Variants in SNTG2 observed in about 807,000 individuals in gnomAD.
SNTG2 encodes the protein syntrophin gamma 2, also known as gamma-2-syntrophin.
Under a neutral mutation model 70.9 loss-of-function variants are expected in SNTG2, and 74 were observed. That is an observed-to-expected ratio of 1.04 (90% CI 0.86 to 1.27). SNTG2 has a LOEUF of 1.27. Among genes scored for constraint, SNTG2 ranks in the 50% most tolerant of loss-of-function variants. The pLI is 0.00. For missense variants in SNTG2, 717 were observed against 690.7 expected, an observed-to-expected ratio of 1.04 and a Z score of -0.43; for synonymous variants, 278 against 273.8, an observed-to-expected ratio of 1.02 and a Z score of -0.15.
At position 1,308,550 on chromosome 2, in the gene SNTG2, C is replaced by T. The variant is rs867779769; in HGVS notation, c.1341C>T (p.Phe447=). The part of the protein sequence containing the change: ...QGEMLCFTVD[F]ALGFTCFESK... ...AGATGCTGTGTTTCACGGTGGATTTCGCGTTGGGATTTACCTGTTTTGAGA... is the reference window on the plus strand; with the variant it reads ...AGATGCTGTGTTTCACGGTGGATTTTGCGTTGGGATTTACCTGTTTTGAGA... The change falls in exon 15 of 17, where the codon TTC becomes TTT. Residue 447 remains phenylalanine, a synonymous_variant. Coordinates refer to ENST00000308624, the MANE Select transcript of SNTG2 (RefSeq NM_018968.4). 1.0e-5 allele frequency: 16 copies of T among 1,551,600 alleles called. No individual in the cohort carries two copies. Among genetic ancestry groups the T allele is most frequent in the South Asian group, 2.4e-5 (2 of 84,046 alleles).
At chr2:1,315,833 T>C (rs1681250655) in intron 15 of SNTG2, among the ~76,000 whole-genome samples, 1 of 152,206 alleles carries the variant, frequency 6.6e-6, no homozygotes, top group Non-Finnish European at 1.5e-5. Context: ...CACTTTTGAC[T>C]ATGTCTTATA....
intron 14 of SNTG2, among the ~76,000 whole-genome samples, chr2:1,292,171 G>A (rs71440645): frequency 6.6e-6 from 1 of 151,394 alleles, no homozygotes; most frequent in African/African-American, 2.4e-5. Flanking sequence ...ACTGATTTTT[G>A]AGTGTTAATT....
At chr2:1,328,742 T>TA (rs371882761) in intron 16 of SNTG2, among the ~76,000 whole-genome samples, 21 of 152,238 alleles carry the variant, frequency 1.4e-4, no homozygotes, top group African/African-American at 4.6e-4. Context: ...AAAGAGGGAC[T>TA]CTGTCACCAA....
chr2:1,172,773 C>G (rs1671208270), intron 7 of SNTG2, among the ~76,000 whole-genome samples: 1 of 152,198 alleles, frequency 6.6e-6, no homozygotes, highest in Non-Finnish European at 1.5e-5. Context: ...CTTGTGCTGA[C>G]CATTCCAGGG....
chr2:1,165,239 A>G (rs1251455180), intron 6 of SNTG2, among the ~76,000 whole-genome samples: 1 of 152,166 alleles, frequency 6.6e-6, no homozygotes, highest in Admixed American at 6.5e-5. Flanking sequence ...CTCCGAGGGT[A>G]TTATTTTCTG....
intron 4 of SNTG2, 148 bp from the exon 5 acceptor site, chr2:1,137,474 A>G: frequency 1.3e-6 from 1 of 790,430 alleles, no homozygotes; most frequent in Non-Finnish European, 2.1e-6. Context: ...CTGCACACAC[A>G]AACACACATC....
At chr2:1,287,441 C>T (rs1037996238) in intron 14 of SNTG2, among the ~76,000 whole-genome samples, 4 of 152,162 alleles carry the variant, frequency 2.6e-5, no homozygotes, top group African/African-American at 7.2e-5. Context: ...GGTTTCTAAA[C>T]GTGTTCACCA....
chr2:1,224,591 C>T (rs548375537), intron 9 of SNTG2, among the ~76,000 whole-genome samples: 27 of 152,316 alleles, frequency 1.8e-4, no homozygotes, highest in Admixed American at 5.2e-4. Context: ...GCGTGCCCAG[C>T]GTGGGAGGAG....
chr2:1,263,400 A>G (rs1197704394), intron 13 of SNTG2, among the ~76,000 whole-genome samples: 1 of 152,214 alleles, frequency 6.6e-6, no homozygotes, highest in South Asian at 2.1e-4. Context: ...ATGACAAAAC[A>G]TAGTAATAAG....
At chr2:1,142,504 T>A (rs566134851) in intron 6 of SNTG2, among the ~76,000 whole-genome samples, 23 of 24,976 alleles carry the variant, frequency 9.2e-4, no homozygotes, top group Admixed American at 3.1e-3. Context: ...TTTTTTCAAT[T>A]TTTTTGGCAA....
chr2:967,157 C>T (rs976154133), intron 1 of SNTG2, among the ~76,000 whole-genome samples: 2 of 152,152 alleles, frequency 1.3e-5, no homozygotes, highest in African/African-American at 4.8e-5. Flanking sequence ...GACAGGAGTG[C>T]AGACTCTGTG....
intron 1 of SNTG2, among the ~76,000 whole-genome samples, chr2:1,057,731 GACACTC>G (rs1434414518): frequency 8.5e-5 from 13 of 152,232 alleles, no homozygotes; most frequent in African/African-American, 2.9e-4. Flanking sequence ...CAATCAAGTT[GACACTC>G]ACTATTAACC....
intron 9 of SNTG2, among the ~76,000 whole-genome samples, chr2:1,224,799 CTA>C (rs1449002594): frequency 1.3e-5 from 2 of 152,204 alleles, no homozygotes; most frequent in Non-Finnish European, 2.9e-5. Context: ...TCGCCTCACT[CTA>C]TGGCTCATTT....
intron 1 of SNTG2, among the ~76,000 whole-genome samples, chr2:958,812 ATAGTTTAATATTTTGATG>A (rs1435873846): frequency 6.6e-6 from 1 of 152,200 alleles, no homozygotes; most frequent in Non-Finnish European, 1.5e-5. Context: ...TATTTCTTAC[ATAGTTTAATATTTTGATG>A]TTAGGAGTTA....
chr2:1,255,591 T>G (rs13015138), intron 12 of SNTG2, among the ~76,000 whole-genome samples: 45,463 of 151,510 alleles, frequency 0.3, 7,612 homozygotes, highest in African/African-American at 0.45. Context: ...CCAAACTTGC[T>G]AAATCTGAAC....
chr2:1,068,297 A>G (rs1663289798), intron 1 of SNTG2: 1 of 152,160 alleles, frequency 6.6e-6, no homozygotes, highest in Non-Finnish European at 1.5e-5. Flanking sequence ...AGGTTCAAGC[A>G]GATATAGATA....
chr2:1,114,850 C>A (rs746898047), intron 4 of SNTG2, among the ~76,000 whole-genome samples: 1 of 151,682 alleles, frequency 6.6e-6, no homozygotes, highest in Non-Finnish European at 1.5e-5. Context: ...TAAGGTTTAA[C>A]CCTTATAGTC....
At chr2:1,182,751 G>T (rs993410116) in intron 8 of SNTG2, among the ~76,000 whole-genome samples, 17 of 151,998 alleles carry the variant, frequency 1.1e-4, no homozygotes, top group Admixed American at 5.2e-4. Flanking sequence ...CAGTTTTTTT[G>T]TTTGTTTGTT....
At chr2:974,334 G>T (rs911542921) in intron 1 of SNTG2, among the ~76,000 whole-genome samples, 9 of 152,236 alleles carry the variant, frequency 5.9e-5, no homozygotes, top group African/African-American at 2.2e-4. Flanking sequence ...CCTGGGGGCA[G>T]AAGGACAGGG....
Sources: gnomAD v4.1 joint callset for allele counts (sites outside exome capture counted in the v4.1 genomes callset) on GRCh38, gnomAD v4.1.1 for gene constraint, MANE v1.5 for transcripts, NCBI Gene and HGNC (gene_info 2026-07-23, HGNC 2026-07-21) for gene names.